Variants in CDC42SE2 observed in about 807,000 individuals in gnomAD.
CDC42SE2 encodes CDC42 small effector 2.
In CDC42SE2, 3 loss-of-function variants were observed where a neutral mutation model predicts 11.5. The observed-to-expected ratio is 0.26, with a 90% CI of 0.12 to 0.67. The LOEUF is 0.67. CDC42SE2 is among the 30% of genes least tolerant of loss of function. The pLI, the probability that CDC42SE2 is intolerant of heterozygous loss-of-function variation, is 0.80. For missense variants in CDC42SE2, 82 were observed against 106.8 expected (o/e 0.77, Z 1.02); for synonymous variants, 33 against 34.8 (o/e 0.95, Z 0.18).
intron 2 of CDC42SE2, among the ~76,000 whole-genome samples, chr5:131,325,733 A>G (rs1758284526): frequency 6.6e-6 from 1 of 152,252 alleles, no homozygotes; most frequent in African/African-American, 2.4e-5. Context: ...ACCTTAGAGA[A>G]TGGTGGCTGA....
At position 131,307,297 on chromosome 5, in the gene CDC42SE2, A is replaced by G. The variant is rs550377248; in HGVS notation, c.-454-8679A>G. ...TGATCTCATTGTTCAGTTCCCACCT[A>G]TGAGTGAGAATATGCGGTGTTTGGT... On this transcript the variant is annotated intron_variant, in intron 1 of 4. Transcript: ENST00000505065. Among the ~76,000 whole-genome samples, 596 of 139,684 alleles carry G rather than the reference A, an allele frequency of 4.3e-3. 5 individuals carry two copies. The highest frequency in any genetic ancestry group is 0.015 in the African/African-American group (576 of 37,260). 91.6% of individuals were successfully genotyped at this position (139,684 alleles called of 152,430 possible). A position where few individuals can be genotyped will look rare whatever the true frequency, so the allele number is the denominator to read the frequency against.
intron 3 of CDC42SE2, among the ~76,000 whole-genome samples, chr5:131,363,121 C>T (rs1014990877): frequency 2.0e-5 from 3 of 150,930 alleles, no homozygotes; most frequent in African/African-American, 7.3e-5. Flanking sequence ...TCCAGCCTGG[C>T]GACAGGGCAA....
At chr5:131,382,718 C>G (rs1002210648) in intron 3 of CDC42SE2, among the ~76,000 whole-genome samples, 1 of 152,184 alleles carries the variant, frequency 6.6e-6, no homozygotes, top group Admixed American at 6.5e-5. Context: ...GCAGATGCCA[C>G]TGTCCTGTGG....
chr5:131,345,075 A>G (rs138146084), intron 2 of CDC42SE2, among the ~76,000 whole-genome samples: 76 of 152,350 alleles, frequency 5.0e-4, no homozygotes, highest in African/African-American at 1.8e-3. Context: ...TGAAAATTCT[A>G]AAAATCAGAG....
chr5:131,253,357 A>G (rs1459523087), intron 1 of CDC42SE2, among the ~76,000 whole-genome samples: 1 of 152,244 alleles, frequency 6.6e-6, no homozygotes, highest in Non-Finnish European at 1.5e-5. Context: ...GCTTAAGGAT[A>G]GAGATTTCTA....
chr5:131,310,729 G>T (rs1757887748), intron 1 of CDC42SE2, among the ~76,000 whole-genome samples: 1 of 152,014 alleles, frequency 6.6e-6, no homozygotes, highest in African/African-American at 2.4e-5. Flanking sequence ...ATTTTTGATG[G>T]TTTAAAGTCT....
intron 3 of CDC42SE2, among the ~76,000 whole-genome samples, chr5:131,378,894 T>C (rs138263102): frequency 2.6e-4 from 39 of 152,328 alleles, no homozygotes; most frequent in African/African-American, 8.7e-4. Context: ...TGTTCTAATG[T>C]TGAAGTTACA....
upstream of CDC42SE2, among the ~76,000 whole-genome samples, chr5:131,241,910 T>A (rs1432195070): frequency 6.6e-6 from 1 of 152,206 alleles, no homozygotes; most frequent in East Asian, 1.9e-4. Flanking sequence ...TGCAATCTTC[T>A]ATATAATAGA....
the CDC42SE2 span, among the ~76,000 whole-genome samples, chr5:131,210,986 C>G: frequency 6.6e-6 from 1 of 152,154 alleles, no homozygotes; most frequent in African/African-American, 2.4e-5. Flanking sequence ...TACAGGTGTG[C>G]ACCATCACGC....
chr5:131,309,143 T>G (rs868281180), intron 1 of CDC42SE2, among the ~76,000 whole-genome samples: 46 of 152,152 alleles, frequency 3.0e-4, no homozygotes, highest in South Asian at 1.0e-3. Flanking sequence ...TTATTGAGAG[T>G]TTTTAGCAAG....
chr5:131,386,214 C>G (rs138510235), intron 4 of CDC42SE2, among the ~76,000 whole-genome samples: 2 of 152,216 alleles, frequency 1.3e-5, no homozygotes, highest in Non-Finnish European at 2.9e-5. Flanking sequence ...CAAATCCTTG[C>G]ATGTGCAGTT....
At chr5:131,297,709 G>C (rs1312695738) in intron 1 of CDC42SE2, among the ~76,000 whole-genome samples, 4 of 151,410 alleles carry the variant, frequency 2.6e-5, no homozygotes, top group Admixed American at 2.6e-4. Context: ...GACAGAGCAA[G>C]ACTCCATTTC....
At chr5:131,229,184 T>C in the CDC42SE2 span, among the ~76,000 whole-genome samples, 7 of 152,124 alleles carry the variant, frequency 4.6e-5, no homozygotes, top group South Asian at 1.5e-3. Context: ...TGTGTGTGTG[T>C]ATGTGTGTTT....
rs79874004 is a variant in CDC42SE2, at chr5:131,250,900, G to A, written n.108-4195G>A. 2.0e-3 allele frequency among the ~76,000 whole-genome samples: 300 copies of A among 152,136 alleles called. 1 individual carries two copies. The highest frequency in any genetic ancestry group is 7.0e-3 in the African/African-American group (289 of 41,528). ...TCTTAAAAAATACTATGGTAATATT[G>A]GCTCAGCAATTACAACAAATATACC... On this transcript the variant is annotated intron_variant and non_coding_transcript_variant, in intron 1 of 3. Transcript: ENST00000502840.
chr5:131,270,378 GAAAAAAAT>G (rs748674605), intron 1 of CDC42SE2, among the ~76,000 whole-genome samples: 118 of 151,834 alleles, frequency 7.8e-4, no homozygotes, highest in Middle Eastern at 3.4e-3. Context: ...CCGTCTCAAA[GAAAAAAAT>G]AAAAAAATAA....
the CDC42SE2 span, among the ~76,000 whole-genome samples, chr5:131,233,089 T>C: frequency 6.6e-6 from 1 of 152,124 alleles, no homozygotes. Flanking sequence ...TGTGTGCATA[T>C]ACAAACACAT....
At chr5:131,330,851 CAAAAA>C (rs912955913) in intron 2 of CDC42SE2, among the ~76,000 whole-genome samples, 3 of 58,154 alleles carry the variant, frequency 5.2e-5, no homozygotes, top group African/African-American at 1.1e-4. Context: ...CCTGCCTTTA[CAAAAA>C]AAAAAAAAAA....
chr5:131,233,570 G>A, the CDC42SE2 span, among the ~76,000 whole-genome samples: 10 of 152,292 alleles, frequency 6.6e-5, no homozygotes, highest in African/African-American at 2.2e-4. Context: ...GTTTCACCCT[G>A]TTGGCCAAGC....
At chr5:131,238,376 G>A in the CDC42SE2 span, among the ~76,000 whole-genome samples, 4 of 151,802 alleles carry the variant, frequency 2.6e-5, no homozygotes, top group South Asian at 2.1e-4. Context: ...GGTGGCGGGC[G>A]CCTGTAGTAC....
Sources: gnomAD v4.1 joint callset for allele counts (sites outside exome capture counted in the v4.1 genomes callset) on GRCh38, gnomAD v4.1.1 for gene constraint, MANE v1.5 for transcripts, NCBI Gene and HGNC (gene_info 2026-07-23, HGNC 2026-07-21) for gene names.